The following KIF21A variants were observed in gnomAD, a reference collection of about 807,000 sequenced individuals.
The protein encoded by KIF21A is kinesin family member 21A.
KIF21A carries 114 observed loss-of-function variants against 202.9 expected under a neutral mutation model. The observed-to-expected ratio is 0.56, with a 90% CI of 0.48 to 0.66. KIF21A has a LOEUF of 0.66. Ranked by LOEUF, KIF21A falls within the 30% of genes least tolerant of loss-of-function variation. The pLI, the probability that KIF21A is intolerant of heterozygous loss-of-function variation, is 0.00. For synonymous variants in KIF21A, 667 were observed against 670.8 expected (o/e 0.99, Z 0.09); for missense variants, 1,677 against 1,994.9 (o/e 0.84, Z 3.04).
chr12:39,303,283 TTTTA>T lies in KIF21A; in HGVS notation c.4561-152_4561-149del, dbSNP rs1592029356. ...GTTTCTGGTTTGTTAAATGTTTTCT[TTTTA>T]TTTATTTTATTTATTATTTTGAGAT... On this transcript the variant is annotated intron_variant, in intron 35 of 37. Coordinates refer to ENST00000361418, the MANE Select transcript of KIF21A (RefSeq NM_001173464.2). 1.5e-5 allele frequency: 10 copies of T among 656,790 alleles called. No individual in the cohort carries two copies. In the East Asian group the frequency reaches 2.5e-4, roughly 17 times the overall value. 40.7% of individuals were successfully genotyped at this position (656,790 alleles called of 1,614,324 possible).
At chr12:39,407,758 G>A (rs1269587955) in intron 1 of KIF21A, among the ~76,000 whole-genome samples, 1 of 152,020 alleles carries the variant, frequency 6.6e-6, no homozygotes, top group African/African-American at 2.4e-5. Context: ...AAGCAACAAG[G>A]TGCTATCCTC....
Position 39,388,379 on chromosome 12 carries a change from G to A in KIF21A, c.45-18118C>T, listed in dbSNP as rs149593394. On this transcript the variant is annotated intron_variant, in intron 1 of 37. Coordinates refer to ENST00000361418, the MANE Select transcript of KIF21A (RefSeq NM_001173464.2). ...CCAGAAGCAATGCTTCTTACAGCGCGCAGAACCATGACCAAATAAATCTCT... is the reference window on the plus strand; with the variant it reads ...CCAGAAGCAATGCTTCTTACAGCGCACAGAACCATGACCAAATAAATCTCT... 1.9e-3 allele frequency among the ~76,000 whole-genome samples: 296 copies of A among 152,234 alleles called. 2 individuals carry two copies. Among genetic ancestry groups the A allele is most frequent in the African/African-American group, 6.6e-3 (276 of 41,532 alleles).
At chr12:39,424,093 C>T (rs534243835) in intron 1 of KIF21A, among the ~76,000 whole-genome samples, 14 of 150,498 alleles carry the variant, frequency 9.3e-5, no homozygotes, top group African/African-American at 3.4e-4. Context: ...ACTGTTTCTG[C>T]TTCCTTGCCT....
chr12:39,299,144 C>G (rs1326869051), intron 37 of KIF21A, among the ~76,000 whole-genome samples: 1 of 151,706 alleles, frequency 6.6e-6, no homozygotes, highest in Non-Finnish European at 1.5e-5. Flanking sequence ...ATCTGCACAG[C>G]AAAAGAAACT....
chr12:39,330,322 T>C (rs961183467), intron 23 of KIF21A, 60 bp from the exon 24 acceptor site: 4 of 1,455,354 alleles, frequency 2.7e-6, no homozygotes, highest in Non-Finnish European at 3.9e-6. Context: ...ACAGATCCAA[T>C]GTTAAAAACT....
At chr12:39,303,341 G>C (rs11837082) in intron 35 of KIF21A, among the ~76,000 whole-genome samples, 9,898 of 152,024 alleles carry the variant, frequency 0.065, 1,073 homozygotes, top group African/African-American at 0.23. Context: ...CCAGGCTGGA[G>C]TGCAGTGCTT....
At chr12:39,427,695 G>A in intron 1 of KIF21A, among the ~76,000 whole-genome samples, 1 of 152,322 alleles carries the variant, frequency 6.6e-6, no homozygotes, top group East Asian at 1.9e-4. Context: ...GTCTCTCTCT[G>A]TTGCCCAGTC....
chr12:39,293,466 T>C lies in KIF21A; in HGVS notation c.*958A>G, dbSNP rs1039638831. On this transcript the variant is annotated 3_prime_UTR_variant, in exon 38 of 38. Coordinates refer to ENST00000361418, the MANE Select transcript of KIF21A (RefSeq NM_001173464.2). ...TACAGGCACAACACAAGATAGTCTC[T>C]CTATACAATCTACCTATTTACATAG... The C allele has an allele frequency of 2.6e-5, 4 of 152,618 alleles. No individual in the cohort carries two copies. Among genetic ancestry groups the C allele is most frequent in the Non-Finnish European group, 5.9e-5 (4 of 68,032 alleles). 9.5% of individuals were successfully genotyped at this position (152,618 alleles called of 1,614,324 possible). A position where few individuals can be genotyped will look rare whatever the true frequency, so the allele number is the denominator to read the frequency against.
At chr12:39,349,132 T>C (rs1344887449) in intron 11 of KIF21A, among the ~76,000 whole-genome samples, 1 of 152,056 alleles carries the variant, frequency 6.6e-6, no homozygotes, top group Non-Finnish European at 1.5e-5. Flanking sequence ...TAAGAACGAA[T>C]GGCTAAAGCA....
At chr12:39,306,906 A>C (rs2137254048) in intron 34 of KIF21A, among the ~76,000 whole-genome samples, 1 of 152,342 alleles carries the variant, frequency 6.6e-6, no homozygotes, top group Non-Finnish European at 1.5e-5. Flanking sequence ...GGGTTGAATA[A>C]ATATTTGTTA....
rs1168079714 is a variant in KIF21A at position 39,417,983 on chromosome 12, G to A, written c.44+24944C>T. 7.2e-5 allele frequency among the ~76,000 whole-genome samples: 11 copies of A among 152,134 alleles called. No homozygotes were observed. The East Asian group carries it at 2.1e-3, about 29-fold the overall frequency. On this transcript the variant is annotated intron_variant, in intron 1 of 37. Coordinates refer to ENST00000361418, the MANE Select transcript of KIF21A (RefSeq NM_001173464.2). ...AGCACTTTGGGAGGCTAAGGCAGGTGGATCTCTTGGGCTCAGGAGTTGGAG... is the reference window on the plus strand; with the variant it reads ...AGCACTTTGGGAGGCTAAGGCAGGTAGATCTCTTGGGCTCAGGAGTTGGAG...
At chr12:39,340,388 A>G (rs1486358025) in intron 15 of KIF21A, 24 bp from the exon 16 acceptor site, 2 of 1,552,230 alleles carry the variant, frequency 1.3e-6, no homozygotes, top group East Asian at 2.3e-5. Flanking sequence ...GGACATTTTT[A>G]TATGTTTTTT....
Position 39,357,381 on chromosome 12 carries a change from C to T in KIF21A, c.1272G>A (p.Glu424=), listed in dbSNP as rs1472208880. ...GVESINDMFH[E]NAMLQTENNN... ...TATTTTCAGTCTGTAGCATAGCATT[C>T]TCATGAAACATGTCATTGATGCTTT... Residue 424 remains glutamate, a synonymous_variant, in exon 9 of 38, where the codon GAG becomes GAA. Coordinates refer to ENST00000361418, the MANE Select transcript of KIF21A (RefSeq NM_001173464.2). 2 of 1,614,114 alleles carry T rather than the reference C, an allele frequency of 1.2e-6. No individual in the cohort carries two copies. Among genetic ancestry groups the T allele is most frequent in the Non-Finnish European group, 1.7e-6 (2 of 1,179,968 alleles).
chr12:39,416,715 G>GTACATATATATGTGTGTA (rs1953701442), intron 1 of KIF21A, among the ~76,000 whole-genome samples: 4 of 74,324 alleles, frequency 5.4e-5, no homozygotes, highest in Admixed American at 2.8e-4. Flanking sequence ...ATATATGTGT[G>GTACATATATATGTGTGTA]TATATATGTA....
intron 1 of KIF21A, among the ~76,000 whole-genome samples, chr12:39,383,880 T>C: frequency 6.6e-6 from 1 of 152,202 alleles, no homozygotes; most frequent in Non-Finnish European, 1.5e-5. Context: ...CTTTTTAAAC[T>C]TTAATGTGTA....
Position 39,351,846 on chromosome 12 carries a change from A to G in KIF21A, c.1604T>C (p.Ile535Thr), listed in dbSNP as rs923122059. The change falls in exon 11 of 38, where the codon ATT becomes ACT. Residue 535 changes from isoleucine (I) to threonine (T), a missense_variant. This residue lies in a region of KIF21A where 966 missense variants were observed against 1,180.9 expected (regional missense o/e 0.82). Coordinates refer to ENST00000361418, the MANE Select transcript of KIF21A (RefSeq NM_001173464.2). The part of the protein sequence containing the change: ...PTILSSDKET[I>T]EIIDLAKKDL... ...TTTTTTTGCTAGGTCTATAATTTCAATGGTTTCTTTGTCTGAGGATAGTAT... is the reference window on the plus strand; with the variant it reads ...TTTTTTTGCTAGGTCTATAATTTCAGTGGTTTCTTTGTCTGAGGATAGTAT... 1.2e-6 allele frequency: 2 copies of G among 1,607,908 alleles called. No homozygotes were observed. The highest frequency in any genetic ancestry group is 2.7e-5 in the African/African-American group (2 of 74,672).
At chr12:39,339,792 C>T (rs570769431) in intron 16 of KIF21A, among the ~76,000 whole-genome samples, 6 of 152,256 alleles carry the variant, frequency 3.9e-5, no homozygotes, top group Admixed American at 6.5e-5. Context: ...AAACAGAAGG[C>T]TTACTGTATA....
At chr12:39,426,675 C>G (rs1954778030) in intron 1 of KIF21A, among the ~76,000 whole-genome samples, 1 of 150,998 alleles carries the variant, frequency 6.6e-6, no homozygotes, top group East Asian at 1.9e-4. Context: ...GAGTTTGAGA[C>G]CAGCCTGGCC....
intron 1 of KIF21A, among the ~76,000 whole-genome samples, chr12:39,429,388 G>A (rs1284285679): frequency 6.6e-6 from 1 of 152,036 alleles, no homozygotes; most frequent in Non-Finnish European, 1.5e-5. Context: ...TAAATACAAT[G>A]CTAATAGCTT....
Sources: gnomAD v4.1 joint callset for allele counts (sites outside exome capture counted in the v4.1 genomes callset) on GRCh38, gnomAD v4.1.1 for gene constraint, gnomAD v4.1.1 regional missense constraint, MANE v1.5 for transcripts, NCBI Gene and HGNC (gene_info 2026-07-23, HGNC 2026-07-21) for gene names.